IRGM: variants seen among roughly 807,000 people sequenced by gnomAD.
The protein encoded by IRGM is immunity-related GTPase family M protein.
For missense variants in IRGM, 288 were observed against 219.9 expected, an observed-to-expected ratio of 1.31 and a Z score of -1.96; for synonymous variants, 98 against 80.6, an observed-to-expected ratio of 1.22 and a Z score of -1.16.
At chr5:150,856,923 T>A (rs10061859) in intron 1 of IRGM, among the ~76,000 whole-genome samples, 3 of 135,438 alleles carry the variant, frequency 2.2e-5, no homozygotes, top group Non-Finnish European at 4.7e-5. Flanking sequence ...ATTTATTATT[T>A]ATTATTTATT....
chr5:150,873,181 C>G (rs1200219435), intron 1 of IRGM, among the ~76,000 whole-genome samples: 2 of 152,182 alleles, frequency 1.3e-5, no homozygotes, highest in Non-Finnish European at 2.9e-5. Context: ...GCTAATTAAT[C>G]ACAGTGTTCC....
At chr5:150,896,901 T>C in intron 3 of IRGM, 1 of 1,613,522 alleles carries the variant, frequency 6.2e-7, no homozygotes, top group Non-Finnish European at 8.5e-7. Context: ...TGTGACTCCT[T>C]TCAGTATCTT....
chr5:150,849,773 A>G (rs528286424), downstream of IRGM, among the ~76,000 whole-genome samples: 3 of 151,940 alleles, frequency 2.0e-5, no homozygotes, highest in South Asian at 6.2e-4. Flanking sequence ...CGCCCAGCTA[A>G]TTTTTGTATT....
At chr5:150,856,307 T>C (rs1449617444) in intron 1 of IRGM, among the ~76,000 whole-genome samples, 2 of 152,088 alleles carry the variant, frequency 1.3e-5, no homozygotes, top group African/African-American at 4.8e-5. Flanking sequence ...GGTGTGCACC[T>C]GTGGTCCCAG....
At chr5:150,891,259 T>C (rs1291087761) in intron 3 of IRGM, among the ~76,000 whole-genome samples, 5 of 152,114 alleles carry the variant, frequency 3.3e-5, no homozygotes, top group Non-Finnish European at 5.9e-5. Context: ...CTTCCAGATT[T>C]CTTTTGTGTT....
intron 3 of IRGM, among the ~76,000 whole-genome samples, chr5:150,882,281 T>TA (rs60189247): frequency 0.21 from 31,585 of 150,696 alleles, 5,322 homozygotes; most frequent in African/African-American, 0.45. Flanking sequence ...ACCTAACCAC[T>TA]AAAAAAGATA....
intron 1 of IRGM, among the ~76,000 whole-genome samples, chr5:150,875,478 T>C (rs10067487): frequency 0.032 from 4,827 of 152,260 alleles, 247 homozygotes; most frequent in African/African-American, 0.11. Flanking sequence ...GAAATAGGTA[T>C]GTGGATGGAC....
chr5:150,901,371 AGTG>A (rs1754990067), downstream of IRGM, among the ~76,000 whole-genome samples: 1 of 152,160 alleles, frequency 6.6e-6, no homozygotes, highest in African/African-American at 2.4e-5. Context: ...AAAAACTACT[AGTG>A]AGTTTTTTGG....
chr5:150,850,848 G>A (rs751385704), downstream of IRGM, among the ~76,000 whole-genome samples: 1 of 152,168 alleles, frequency 6.6e-6, no homozygotes, highest in Non-Finnish European at 1.5e-5. Flanking sequence ...CCTGATGTCA[G>A]CTCCCAGGCC....
chr5:150,887,821 T>C (rs946142338), intron 3 of IRGM, among the ~76,000 whole-genome samples: 3 of 151,890 alleles, frequency 2.0e-5, no homozygotes, highest in Non-Finnish European at 4.4e-5. Context: ...GTGCTAACTA[T>C]AGAAAGGAAA....
In IRGM at chr5:150,848,228, C is replaced by T. The variant is rs530456801; in HGVS notation, c.105C>T (p.Asn35=). The change falls in exon 2 of 2, where the codon AAC becomes AAT. Residue 35 remains asparagine, a synonymous_variant. Transcript: ENST00000522154. ...TLKIVSRTPV[N]ITMAGDSGNG... ...AGATAGTGTCCAGGACACCAGTTAACATCACTATGGCAGGGGACTCTGGCA... is the reference window on the plus strand; with the variant it reads ...AGATAGTGTCCAGGACACCAGTTAATATCACTATGGCAGGGGACTCTGGCA... 1.3e-5 allele frequency: 20 copies of T among 1,551,840 alleles called. No individual in the cohort carries two copies. Among genetic ancestry groups the T allele is most frequent in the African/African-American group, 1.2e-4 (9 of 73,182 alleles).
chr5:150,874,882 G>A (rs1754339678), intron 1 of IRGM, among the ~76,000 whole-genome samples: 3 of 152,142 alleles, frequency 2.0e-5, no homozygotes, highest in African/African-American at 7.2e-5. Context: ...ACTGGGTTTT[G>A]GTGGAAACTG....
At position 150,848,168 on chromosome 5, in the gene IRGM, G is replaced by T. The variant is rs1753907157; in HGVS notation, c.45G>T (p.Leu15Phe). 1 of 1,551,416 alleles carries T rather than the reference G, an allele frequency of 6.4e-7. No homozygotes were observed. Residue 15 changes from leucine to phenylalanine, a missense_variant, in exon 2 of 2, where the codon TTG (leucine) becomes TTT (phenylalanine). Leu to Phe is a conservative substitution (Grantham distance 22). Coordinates refer to ENST00000522154, the MANE Select transcript of IRGM (RefSeq NM_001145805.2). ...NVEKASADGNLPEVISNIKET... is the reference protein window; with the variant it reads ...NVEKASADGNFPEVISNIKET... ...AGAAAGCCTCAGCAGATGGGAACTT[G>T]CCAGAGGTGATCTCTAACATCAAGG...
chr5:150,892,643 C>G (rs1214840622), intron 3 of IRGM, among the ~76,000 whole-genome samples: 1 of 152,054 alleles, frequency 6.6e-6, no homozygotes, highest in African/African-American at 2.4e-5. Context: ...TTGCCTTTTT[C>G]CAGCCATTAA....
At chr5:150,895,277 G>GAA (rs1419465180) in intron 3 of IRGM, 1 of 542,258 alleles carries the variant, frequency 1.8e-6, no homozygotes, top group Non-Finnish European at 3.2e-6. Flanking sequence ...ATCTTTGCTG[G>GAA]AAAAGTTAGG....
At chr5:150,896,719 A>G (rs750357115) in intron 3 of IRGM, 2 of 1,613,494 alleles carry the variant, frequency 1.2e-6, no homozygotes, top group Non-Finnish European at 8.5e-7. Context: ...GTTTCTATGC[A>G]CTCTTGAAAT....
intron 3 of IRGM, chr5:150,898,089 C>T (rs1230327938): frequency 6.2e-7 from 1 of 1,613,052 alleles, no homozygotes; most frequent in Non-Finnish European, 8.5e-7. Context: ...TGATATTCAT[C>T]TGGATAGATC....
At chr5:150,887,223 G>A (rs190625560) in intron 3 of IRGM, among the ~76,000 whole-genome samples, 2 of 152,124 alleles carry the variant, frequency 1.3e-5, no homozygotes, top group East Asian at 1.9e-4. Flanking sequence ...GTGGAAGGAT[G>A]AAATAGCTGG....
intron 1 of IRGM, among the ~76,000 whole-genome samples, chr5:150,856,511 C>T (rs1456127666): frequency 6.6e-6 from 1 of 151,450 alleles, no homozygotes; most frequent in African/African-American, 2.4e-5. Flanking sequence ...GATTTTTAAA[C>T]ATTCTATTTA....
Sources: allele counts gnomAD v4.1 joint callset (sites outside exome capture counted in the v4.1 genomes callset), GRCh38; gene constraint gnomAD v4.1.1; transcripts MANE v1.5; gene names NCBI Gene and HGNC (gene_info 2026-07-23, HGNC 2026-07-21).